FHIT: variants seen among roughly 807,000 people sequenced by gnomAD.
FHIT encodes bis(5'-adenosyl)-triphosphatase.
In FHIT, 19 loss-of-function variants were observed where a neutral mutation model predicts 17.9. That is an observed-to-expected ratio of 1.06 (90% CI 0.74 to 1.56). The LOEUF is 1.56. Ranked by LOEUF, FHIT falls within the 40% of genes most tolerant of loss-of-function variation. The pLI, the probability that FHIT is intolerant of heterozygous loss-of-function variation, is 0.00. For synonymous variants in FHIT, 81 were observed against 69.7 expected (o/e 1.16, Z -0.81); for missense variants, 248 against 189.2 (o/e 1.31, Z -1.82).
At chr3:59,833,537 C>T (rs1391428355) in intron 8 of FHIT, among the ~76,000 whole-genome samples, 2 of 151,964 alleles carry the variant, frequency 1.3e-5, no homozygotes, top group African/African-American at 4.8e-5. Context: ...CTTCAGACTT[C>T]TAGTCTCCAG....
At chr3:60,358,127 T>C (rs975613250) in intron 5 of FHIT, among the ~76,000 whole-genome samples, 1 of 152,216 alleles carries the variant, frequency 6.6e-6, no homozygotes, top group Non-Finnish European at 1.5e-5. Flanking sequence ...CACCTTATCA[T>C]TCTTCAAGGC....
intron 5 of FHIT, among the ~76,000 whole-genome samples, chr3:60,037,636 C>T (rs530562631): frequency 6.9e-4 from 105 of 152,198 alleles, no homozygotes; most frequent in African/African-American, 2.5e-3. Flanking sequence ...CCCGACTTGG[C>T]CTCTCAAAGT....
Position 60,342,250 on chromosome 3 carries a change from A to C in FHIT, c.103+194610T>G, listed in dbSNP as rs762788969. Among the ~76,000 whole-genome samples, 215 of 152,312 alleles carry C rather than the reference A, an allele frequency of 1.4e-3. 2 individuals carry two copies. Among genetic ancestry groups the C allele is most frequent in the Non-Finnish European group, 1.8e-3 (120 of 68,030 alleles). ...TTATTGAATACACAATTGCATGAGCAATGTTTAAGGAGCAGAGAGAGCTCT... is the reference window on the plus strand; with the variant it reads ...TTATTGAATACACAATTGCATGAGCCATGTTTAAGGAGCAGAGAGAGCTCT... On this transcript the variant is annotated intron_variant, in intron 5 of 9. Coordinates refer to ENST00000492590, the MANE Select transcript of FHIT (RefSeq NM_002012.4).
chr3:60,703,554 G>T (rs571076290), intron 4 of FHIT, among the ~76,000 whole-genome samples: 2 of 152,088 alleles, frequency 1.3e-5, no homozygotes, highest in Non-Finnish European at 2.9e-5. Context: ...ATAGATACAA[G>T]TTGCTATTTT....
Position 60,062,494 on chromosome 3 carries a change from A to G in FHIT, c.104-48342T>C, listed in dbSNP as rs1702333212. ...AATTATCTCCTCTAGTGAAGAAAAT[A>G]AAGCTTCAAAACTTAAGTTGCTTGT... On this transcript the variant is annotated intron_variant, in intron 5 of 9. Transcript: ENST00000492590. Among the ~76,000 whole-genome samples the G allele has an allele frequency of 2.6e-5, 4 of 152,338 alleles. 1 individual carries two copies. The South Asian group carries it at 8.3e-4, about 32-fold the overall frequency.
At position 60,714,212 on chromosome 3, in the gene FHIT, G is replaced by A. The variant is rs1395732808; in HGVS notation, c.-18+107707C>T. On this transcript the variant is annotated intron_variant, in intron 4 of 9. Transcript: ENST00000492590. ...CGATTATCTCAATAGATGCAGAAAA[G>A]GCCTTTGACAAAATTCAACAACCCT... Among the ~76,000 whole-genome samples, 4 of 152,162 alleles carry A rather than the reference G, an allele frequency of 2.6e-5. No homozygotes were observed. The East Asian group carries it at 5.8e-4, about 22-fold the overall frequency.
intron 1 of FHIT, among the ~76,000 whole-genome samples, chr3:61,226,687 G>C (rs969762317): frequency 3.3e-5 from 5 of 152,230 alleles, no homozygotes; most frequent in Non-Finnish European, 7.3e-5. Context: ...CAGAGAGAGA[G>C]AAAAGGAAAG....
chr3:61,051,558 A>G (rs183171018), intron 2 of FHIT, among the ~76,000 whole-genome samples: 12 of 152,224 alleles, frequency 7.9e-5, no homozygotes, highest in South Asian at 2.1e-4. Flanking sequence ...TTCTTGGGTT[A>G]TTTTGACTGA....
chr3:60,261,386 C>T lies in FHIT; in HGVS notation c.104-247234G>A, dbSNP rs141217551. 7.2e-5 allele frequency among the ~76,000 whole-genome samples: 11 copies of T among 152,050 alleles called. No individual in the cohort carries two copies. In the East Asian group the frequency reaches 1.9e-3, roughly 27 times the overall value. ...CCAATCGCAAGGAACGTATTAATTT[C>T]AGAGACGGTGAGTATTAGAATCATC... On this transcript the variant is annotated intron_variant, in intron 5 of 9. Transcript: ENST00000492590.
At chr3:60,744,268 C>CAAAAAAAAAAAAAAAAAAAAAAAAAAAA (rs374691493) in intron 4 of FHIT, among the ~76,000 whole-genome samples, 2 of 80,088 alleles carry the variant, frequency 2.5e-5, no homozygotes, top group Admixed American at 1.4e-4. Flanking sequence ...CAAAACAAAA[C>CAAAAAAAAAAAAAAAAAAAAAAAAAAAA]AAAAAAAAAA....
intron 8 of FHIT, among the ~76,000 whole-genome samples, chr3:59,803,410 G>A (rs138568474): frequency 4.8e-4 from 73 of 152,294 alleles, no homozygotes; most frequent in African/African-American, 1.5e-3. Context: ...CTGGGTGAGC[G>A]GGCTTGCTTC....
At chr3:61,119,074 T>C (rs2036380709) in intron 2 of FHIT, among the ~76,000 whole-genome samples, 1 of 152,140 alleles carries the variant, frequency 6.6e-6, no homozygotes, top group South Asian at 2.1e-4. Context: ...TCCCCAAGCA[T>C]ACACCTGTTT....
chr3:61,250,835 T>G (rs777694179), intron 1 of FHIT, among the ~76,000 whole-genome samples: 3 of 152,248 alleles, frequency 2.0e-5, no homozygotes, highest in Non-Finnish European at 4.4e-5. Context: ...CCCAAAATGC[T>G]GCCTTCTCTA....
chr3:60,427,844 C>T (rs1702730647), intron 5 of FHIT, among the ~76,000 whole-genome samples: 1 of 152,080 alleles, frequency 6.6e-6, no homozygotes, highest in African/African-American at 2.4e-5. Context: ...TTATTATTGC[C>T]CCATCTACCT....
chr3:59,904,157 G>GA (rs971486296), intron 8 of FHIT, among the ~76,000 whole-genome samples: 6 of 123,842 alleles, frequency 4.8e-5, no homozygotes, highest in Admixed American at 3.8e-4. Flanking sequence ...GAATACAGAA[G>GA]AAAAAAAATC....
At chr3:60,046,739 G>T (rs1038675367) in intron 5 of FHIT, among the ~76,000 whole-genome samples, 2 of 152,208 alleles carry the variant, frequency 1.3e-5, no homozygotes, top group African/African-American at 4.8e-5. Context: ...TCTGTAAACA[G>T]TGGGCTTGGT....
At chr3:59,829,260 T>C (rs1426865834) in intron 8 of FHIT, among the ~76,000 whole-genome samples, 2 of 152,190 alleles carry the variant, frequency 1.3e-5, no homozygotes, top group Admixed American at 1.3e-4. Context: ...CTTTGGTCTA[T>C]ATGGATCTAT....
At chr3:60,406,716 T>C (rs1005113423) in intron 5 of FHIT, among the ~76,000 whole-genome samples, 2 of 152,076 alleles carry the variant, frequency 1.3e-5, no homozygotes, top group African/African-American at 4.8e-5. Flanking sequence ...CACCTGACTT[T>C]TGTTGTTTCC....
chr3:60,659,531 T>C (rs2040192361), intron 4 of FHIT, among the ~76,000 whole-genome samples: 1 of 152,158 alleles, frequency 6.6e-6, no homozygotes, highest in Non-Finnish European at 1.5e-5. Context: ...CTCTTTCTTC[T>C]ACCTGTTCAA....
Sources: gnomAD v4.1 joint callset for allele counts (sites outside exome capture counted in the v4.1 genomes callset) on GRCh38, gnomAD v4.1.1 for gene constraint, MANE v1.5 for transcripts, NCBI Gene and HGNC (gene_info 2026-07-23, HGNC 2026-07-21) for gene names.